The following TBC1D22A variants were observed in gnomAD, a reference collection of about 807,000 sequenced individuals.
TBC1D22A encodes putative GTPase activator.
In TBC1D22A, 38 loss-of-function variants were observed where a neutral mutation model predicts 60.2. The ratio of observed to expected loss-of-function variants is 0.63; its 90% CI spans 0.49 to 0.83. TBC1D22A has a LOEUF of 0.83. Among genes scored for constraint, TBC1D22A ranks in the 40% least tolerant of loss-of-function variants. TBC1D22A has a pLI of 0.00. For missense variants in TBC1D22A, 628 were observed against 701.0 expected, an observed-to-expected ratio of 0.90 and a Z score of 1.18; for synonymous variants, 302 against 281.7, an observed-to-expected ratio of 1.07 and a Z score of -0.72.
chr22:46,941,361 C>T (rs965163718), intron 8 of TBC1D22A, among the ~76,000 whole-genome samples: 1 of 147,568 alleles, frequency 6.8e-6, no homozygotes, highest in Non-Finnish European at 1.5e-5. Context: ...AATATATATA[C>T]AGAATATATA....
chr22:46,835,351 C>T (rs984146693), intron 4 of TBC1D22A, among the ~76,000 whole-genome samples: 4 of 152,106 alleles, frequency 2.6e-5, no homozygotes, highest in African/African-American at 9.7e-5. Context: ...TCAACAAAAT[C>T]AGGTAAATAA....
At chr22:46,953,388 C>A (rs548897750) in intron 8 of TBC1D22A, among the ~76,000 whole-genome samples, 2 of 152,104 alleles carry the variant, frequency 1.3e-5, no homozygotes, top group Non-Finnish European at 2.9e-5. Context: ...TGTATTAAAA[C>A]CAAGATCTGT....
chr22:46,925,381 G>A (rs774902444), intron 8 of TBC1D22A, among the ~76,000 whole-genome samples: 1 of 152,240 alleles, frequency 6.6e-6, no homozygotes. Flanking sequence ...ATAGCGAAGT[G>A]GAGGTGGCTG....
chr22:47,041,303 G>T lies in TBC1D22A; in HGVS notation c.1329+4105G>T, dbSNP rs148727143. Reference sequence around the variant, plus strand: ...GCAGGGCTGGCTGTAAATTGCAGGGGATGAAAGATGGTGCTTGTCTCCCTG... The same window carrying T: ...GCAGGGCTGGCTGTAAATTGCAGGGTATGAAAGATGGTGCTTGTCTCCCTG... On this transcript the variant is annotated intron_variant, in intron 11 of 12. Coordinates refer to ENST00000337137, the MANE Select transcript of TBC1D22A (RefSeq NM_014346.5). 9.1e-3 allele frequency among the ~76,000 whole-genome samples: 1,391 copies of T among 152,318 alleles called. 10 individuals are homozygous for T. Among genetic ancestry groups the T allele is most frequent in the Middle Eastern group, 0.017 (5 of 294 alleles).
At chr22:47,068,449 T>C (rs889313431) in intron 11 of TBC1D22A, among the ~76,000 whole-genome samples, 51 of 152,312 alleles carry the variant, frequency 3.3e-4, no homozygotes, top group African/African-American at 1.1e-3. Flanking sequence ...TGAAGATAGC[T>C]CTTCTGGTGG....
intron 7 of TBC1D22A, among the ~76,000 whole-genome samples, chr22:46,908,521 C>T (rs1211176901): frequency 3.3e-5 from 5 of 152,156 alleles, no homozygotes; most frequent in Admixed American, 6.5e-5. Flanking sequence ...TGGATGACAG[C>T]GGACATCAAG....
intron 8 of TBC1D22A, among the ~76,000 whole-genome samples, chr22:46,955,029 G>A (rs2073113416): frequency 6.6e-6 from 1 of 152,158 alleles, no homozygotes; most frequent in African/African-American, 2.4e-5. Context: ...ATAATAAGAC[G>A]CGGCTTTTGA....
intron 8 of TBC1D22A, among the ~76,000 whole-genome samples, chr22:46,929,505 C>A (rs2071232497): frequency 6.6e-6 from 1 of 152,166 alleles, no homozygotes. Context: ...TACAGATGTA[C>A]TTCATTCATG....
Position 46,793,531 on chromosome 22 carries a change from C to A in TBC1D22A, c.150C>A (p.Thr50=), listed in dbSNP as rs775318556. 17 of 1,614,196 alleles carry A rather than the reference C, an allele frequency of 1.1e-5. 1 individual carries two copies. The Admixed American group carries it at 1.7e-4, about 16-fold the overall frequency. ...TLLRSTAKMP[T]TPVKAKRVST... The stretch of plus-strand genomic sequence containing the variant: ...TCAGGTCCACGGCCAAGATGCCGAC[C>A]ACACCAGTGAAGGCCAAGAGGGTCA... The change falls in exon 3 of 13, where the codon ACC becomes ACA. Residue 50 remains threonine, a synonymous_variant. Coordinates refer to ENST00000337137, the MANE Select transcript of TBC1D22A (RefSeq NM_014346.5).
intron 11 of TBC1D22A, among the ~76,000 whole-genome samples, chr22:47,052,255 C>A (rs1440322310): frequency 6.6e-6 from 1 of 152,200 alleles, no homozygotes; most frequent in Admixed American, 6.5e-5. Flanking sequence ...AATATTGAAT[C>A]ATTCCATAGT....
chr22:46,898,385 G>A (rs1199660675), intron 7 of TBC1D22A, among the ~76,000 whole-genome samples: 1 of 152,164 alleles, frequency 6.6e-6, no homozygotes, highest in African/African-American at 2.4e-5. Flanking sequence ...CACACGCCTG[G>A]GAGACAGGTC....
Position 46,855,778 on chromosome 22 carries a change from C to T in TBC1D22A, c.638-22875C>T, listed in dbSNP as rs117964508. Among the ~76,000 whole-genome samples, 407 of 152,288 alleles carry T rather than the reference C, an allele frequency of 2.7e-3. 8 individuals are homozygous for T. In the East Asian group the frequency reaches 0.059, roughly 22 times the overall value. ...AGTTCTTGACTGTCACAGGGTCTTT[C>T]GTTGCCATCCGAGCCTTTCTTCTAT... On this transcript the variant is annotated intron_variant, in intron 4 of 12. Coordinates refer to ENST00000337137, the MANE Select transcript of TBC1D22A (RefSeq NM_014346.5).
At chr22:46,938,387 C>T (rs1034526483) in intron 8 of TBC1D22A, among the ~76,000 whole-genome samples, 7 of 152,122 alleles carry the variant, frequency 4.6e-5, no homozygotes, top group Admixed American at 1.3e-4. Flanking sequence ...CAGTAGGCTT[C>T]GCTCTAGGTG....
Position 46,915,195 on chromosome 22 carries a change from A to G in TBC1D22A, c.1015+3007A>G, listed in dbSNP as rs1264694293. 9 of 352,404 alleles carry G rather than the reference A, an allele frequency of 2.6e-5. No individual in the cohort carries two copies. In the East Asian group the frequency reaches 6.7e-4, roughly 26 times the overall value. The allele number at this position is 352,404 out of a possible 1,614,324, so 21.8% of individuals were successfully genotyped here. On this transcript the variant is annotated intron_variant, in intron 8 of 12. Transcript: ENST00000337137. Reference sequence around the variant, plus strand: ...CTTATCTTTGAACATTCATTCTGGCAGCTGCGTGGATGAGATTGGAGGGTT... The same window carrying G: ...CTTATCTTTGAACATTCATTCTGGCGGCTGCGTGGATGAGATTGGAGGGTT...
chr22:47,076,722 T>G (rs548495534), intron 11 of TBC1D22A, among the ~76,000 whole-genome samples: 8 of 152,094 alleles, frequency 5.3e-5, no homozygotes, highest in Admixed American at 1.3e-4. Flanking sequence ...GTTCGTTTGC[T>G]TTGACTGCAT....
Position 47,153,733 on chromosome 22 carries a change from G to A in TBC1D22A, c.1426-19765G>A, listed in dbSNP as rs1055990319. On this transcript the variant is annotated intron_variant, in intron 12 of 12. Coordinates refer to ENST00000337137, the MANE Select transcript of TBC1D22A (RefSeq NM_014346.5). ...GACAGATTGCAATGGCTGGGGGAGG[G>A]GGCACAGGGCAAGGTCAGAGAAGAA... Among the ~76,000 whole-genome samples, 5 of 152,160 alleles carry A rather than the reference G, an allele frequency of 3.3e-5. No individual in the cohort carries two copies. In the East Asian group the frequency reaches 7.7e-4, roughly 23 times the overall value.
At chr22:47,084,679 A>G (rs1279686447) in intron 11 of TBC1D22A, among the ~76,000 whole-genome samples, 1 of 152,234 alleles carries the variant, frequency 6.6e-6, no homozygotes, top group African/African-American at 2.4e-5. Flanking sequence ...ATGAAAATTA[A>G]TAATAGTCTG....
At chr22:46,949,495 T>C (rs1348415383) in intron 8 of TBC1D22A, among the ~76,000 whole-genome samples, 12 of 152,232 alleles carry the variant, frequency 7.9e-5, no homozygotes, top group Non-Finnish European at 8.8e-5. Context: ...GAAGAGGGCA[T>C]GGCCTGCTTT....
rs559957208 is a variant in TBC1D22A, at chr22:47,119,540, G to A, written c.1425+7937G>A. 1.3e-3 allele frequency among the ~76,000 whole-genome samples: 198 copies of A among 149,842 alleles called. 1 individual carries two copies. The highest frequency in any genetic ancestry group is 2.2e-3 in the Admixed American group (33 of 15,076). ...GAGACGAAGTCTCACACTGTCACCC[G>A]GGCTGGTGTACAGTGGGGCGATCTC... On this transcript the variant is annotated intron_variant, in intron 12 of 12. Transcript: ENST00000337137.
Sources: gnomAD v4.1 joint callset for allele counts (sites outside exome capture counted in the v4.1 genomes callset) on GRCh38, gnomAD v4.1.1 for gene constraint, MANE v1.5 for transcripts, NCBI Gene and HGNC (gene_info 2026-07-23, HGNC 2026-07-21) for gene names.